Variants in FLRT2 observed in about 807,000 individuals in gnomAD.
FLRT2 encodes leucine-rich repeat transmembrane protein FLRT2.
FLRT2 carries 15 observed loss-of-function variants against 40.0 expected under a neutral mutation model. The ratio of observed to expected loss-of-function variants is 0.38; its 90% CI spans 0.25 to 0.58. The LOEUF (loss-of-function observed/expected upper bound fraction) is 0.58, where lower values mean the gene tolerates loss of function less well. Among genes scored for constraint, FLRT2 ranks in the 20% least tolerant of loss-of-function variants. The pLI, the probability that FLRT2 is intolerant of heterozygous loss-of-function variation, is 0.71. For missense variants in FLRT2, 726 were observed against 840.0 expected, an observed-to-expected ratio of 0.86 and a Z score of 1.68; for synonymous variants, 380 against 336.8, an observed-to-expected ratio of 1.13 and a Z score of -1.41.
At chr14:85,581,352 A>G (rs1411369487) in intron 1 of FLRT2, among the ~76,000 whole-genome samples, 1 of 152,204 alleles carries the variant, frequency 6.6e-6, no homozygotes, top group Admixed American at 6.5e-5. Context: ...CGTGGCTCAT[A>G]ACAGGATACC....
intron 1 of FLRT2, among the ~76,000 whole-genome samples, chr14:85,556,222 G>T (rs1304265022): frequency 6.6e-6 from 1 of 152,086 alleles, no homozygotes; most frequent in African/African-American, 2.4e-5. Flanking sequence ...TGCCCACTGG[G>T]TCATTGAAAA....
intron 1 of FLRT2, among the ~76,000 whole-genome samples, chr14:85,533,442 C>G (rs1372217753): frequency 2.6e-5 from 4 of 152,106 alleles, no homozygotes; most frequent in Admixed American, 1.3e-4. Flanking sequence ...GCCGCACGCC[C>G]GGCTCCGAGC....
chr14:85,537,183 G>GT (rs1888709824), intron 1 of FLRT2, among the ~76,000 whole-genome samples: 1 of 152,106 alleles, frequency 6.6e-6, no homozygotes, highest in Admixed American at 6.5e-5. Context: ...CCTAATCCAG[G>GT]TTTGTCTTGT....
intron 1 of FLRT2, among the ~76,000 whole-genome samples, chr14:85,599,209 T>C (rs1216040731): frequency 1.5e-5 from 2 of 133,588 alleles, no homozygotes; most frequent in Non-Finnish European, 3.1e-5. Flanking sequence ...CGTGAGCCGC[T>C]GCGCCTGGCC....
chr14:85,618,494 G>A lies in FLRT2; in HGVS notation c.-376-2645G>A, dbSNP rs555039256. On this transcript the variant is annotated intron_variant, in intron 1 of 1. Transcript: ENST00000330753. ...CAAAAGTGGGCTCCGGTGATGACAAGTAACTCTTTAATGTCCTACTAGGCA... is the reference window on the plus strand; with the variant it reads ...CAAAAGTGGGCTCCGGTGATGACAAATAACTCTTTAATGTCCTACTAGGCA... 1.6e-4 allele frequency among the ~76,000 whole-genome samples: 24 copies of A among 152,218 alleles called. No individual in the cohort carries two copies. In the South Asian group the frequency reaches 5.0e-3, roughly 32 times the overall value.
At chr14:85,606,200 A>C (rs1362817378) in intron 1 of FLRT2, among the ~76,000 whole-genome samples, 1 of 152,210 alleles carries the variant, frequency 6.6e-6, no homozygotes, top group Admixed American at 6.5e-5. Flanking sequence ...AATGGTTAAG[A>C]GTACTGTGTG....
Position 85,622,927 on chromosome 14 carries a change from C to G in FLRT2, c.1413C>G (p.Val471=). 1 of 1,614,206 alleles carries G rather than the reference C, an allele frequency of 6.2e-7. No homozygotes were observed. The highest frequency in any genetic ancestry group is 8.5e-7 in the Non-Finnish European group (1 of 1,180,022). The change falls in exon 2 of 2, where the codon GTC becomes GTG. Residue 471 remains valine, a synonymous_variant. Coordinates refer to ENST00000330753, the MANE Select transcript of FLRT2 (RefSeq NM_013231.6). Reference sequence around the variant, plus strand: ...GGGGCATCGTTCAGGAGCGCATAGTCAGCGGTGAGAAGCAACACCTGAGCC... The same window carrying G: ...GGGGCATCGTTCAGGAGCGCATAGTGAGCGGTGAGAAGCAACACCTGAGCC... ...LVGGIVQERI[V]SGEKQHLSLV... is the part of the protein sequence containing the mutation.
rs886419430 is a variant in FLRT2, at chr14:85,626,541, C to G, written c.*3044C>G. The G allele has an allele frequency of 6.0e-6, 1 of 167,030 alleles. No homozygotes were observed. The highest frequency in any genetic ancestry group is 1.5e-5 in the Non-Finnish European group (1 of 68,126). 10.3% of individuals were successfully genotyped at this position (167,030 alleles called of 1,614,324 possible). A position where few individuals can be genotyped will look rare whatever the true frequency, so the allele number is the denominator to read the frequency against. On this transcript the variant is annotated 3_prime_UTR_variant, in exon 2 of 2. Transcript: ENST00000330753. ...AGTCATGATCAAAAGGATATATTGACAGTTATCTATAGCCAGGGTAGTTGT... is the reference window on the plus strand; with the variant it reads ...AGTCATGATCAAAAGGATATATTGAGAGTTATCTATAGCCAGGGTAGTTGT...
At chr14:85,578,910 G>A (rs1437674883) in intron 1 of FLRT2, among the ~76,000 whole-genome samples, 3 of 152,196 alleles carry the variant, frequency 2.0e-5, no homozygotes, top group Non-Finnish European at 2.9e-5. Context: ...GGCTGGAGAT[G>A]TCTTGCAAAC....
At chr14:85,564,023 G>A (rs1890500043) in intron 1 of FLRT2, among the ~76,000 whole-genome samples, 1 of 152,162 alleles carries the variant, frequency 6.6e-6, no homozygotes, top group South Asian at 2.1e-4. Context: ...TGGACAGCCA[G>A]AAGTCAGGGC....
Position 85,623,341 on chromosome 14 carries a change from C to T in FLRT2, c.1827C>T (p.Ile609=), listed in dbSNP as rs1355606166. The T allele has an allele frequency of 6.6e-7, 1 of 1,520,024 alleles. No individual in the cohort carries two copies. The highest frequency in any genetic ancestry group is 8.8e-7 in the Non-Finnish European group (1 of 1,135,402). The allele number at this position is 1,520,024 out of a possible 1,614,324, so 94.2% of individuals were successfully genotyped here. Residue 609 remains isoleucine, a synonymous_variant, in exon 2 of 2, where the codon ATC becomes ATT. Transcript: ENST00000330753. The part of the protein sequence containing the change: ...ILEMTETSFQ[I]VSLNNDQLLK... ...AGATGACAGAAACCAGTTTTCAGAT[C>T]GTCTCCTTAAATAACGATCAACTCC... is the stretch of plus-strand genomic sequence containing the variant.
intron 1 of FLRT2, among the ~76,000 whole-genome samples, chr14:85,538,786 G>A (rs747496200): frequency 5.3e-5 from 8 of 152,102 alleles, no homozygotes; most frequent in Non-Finnish European, 7.4e-5. Context: ...AGTCAACAGA[G>A]GTCATATGGC....
chr14:85,584,718 T>C (rs1369312011), intron 1 of FLRT2, among the ~76,000 whole-genome samples: 2 of 152,076 alleles, frequency 1.3e-5, no homozygotes, highest in Admixed American at 6.5e-5. Context: ...GGGTTCTAAG[T>C]GGTACTGAAA....
chr14:85,652,945 TG>T lies in FLRT2; in HGVS notation c.*29452del, dbSNP rs1266281101. 28 of 152,262 alleles carry T rather than the reference TG, an allele frequency of 1.8e-4. No individual in the cohort carries two copies. Among genetic ancestry groups the T allele is most frequent in the Admixed American group, 1.8e-3 (27 of 15,272 alleles). 9.4% of individuals were successfully genotyped at this position (152,262 alleles called of 1,614,324 possible). A position where few individuals can be genotyped will look rare whatever the true frequency, so the allele number is the denominator to read the frequency against. On this transcript the variant is annotated 3_prime_UTR_variant, in exon 2 of 2. Transcript: ENST00000330753. ...TGTGAACTTTTCGATTTGTTCGGCT[TG>T]GGGAATGTCATAGTTCATTCTGTGA... is the stretch of plus-strand genomic sequence containing the variant.
At chr14:85,532,322 C>T (rs1236721120) in intron 1 of FLRT2, among the ~76,000 whole-genome samples, 1 of 152,224 alleles carries the variant, frequency 6.6e-6, no homozygotes, top group Non-Finnish European at 1.5e-5. Context: ...GATTCAGCCT[C>T]ACCGGACTTG....
At chr14:85,591,654 C>G (rs543324999) in intron 1 of FLRT2, among the ~76,000 whole-genome samples, 1 of 152,198 alleles carries the variant, frequency 6.6e-6, no homozygotes, top group Non-Finnish European at 1.5e-5. Flanking sequence ...ACAGGTGAAT[C>G]CTTAGGTGAC....
At chr14:85,606,678 C>A (rs1290730644) in intron 1 of FLRT2, among the ~76,000 whole-genome samples, 1 of 151,458 alleles carries the variant, frequency 6.6e-6, no homozygotes, top group Non-Finnish European at 1.5e-5. Context: ...GCACGCACCA[C>A]CACGCCCAGC....
chr14:85,607,698 A>G (rs10140525), intron 1 of FLRT2, among the ~76,000 whole-genome samples: 32,700 of 152,080 alleles, frequency 0.22, 3,941 homozygotes, highest in Middle Eastern at 0.28. Flanking sequence ...CTGTTTCTTA[A>G]TCACCTTGTG....
chr14:85,589,256 G>T (rs1891776361), intron 1 of FLRT2, among the ~76,000 whole-genome samples: 1 of 152,102 alleles, frequency 6.6e-6, no homozygotes, highest in Non-Finnish European at 1.5e-5. Flanking sequence ...CCTTTTCTCT[G>T]CATACTTGCC....
Sources: gnomAD v4.1 joint callset for allele counts (sites outside exome capture counted in the v4.1 genomes callset) on GRCh38, gnomAD v4.1.1 for gene constraint, MANE v1.5 for transcripts, NCBI Gene and HGNC (gene_info 2026-07-23, HGNC 2026-07-21) for gene names.